The following RBFOX1 variants were observed in gnomAD, a reference collection of about 807,000 sequenced individuals.
The protein encoded by RBFOX1 is RNA binding fox-1 homolog 1, also known as RNA binding protein fox-1 homolog 1.
In RBFOX1, 8 loss-of-function variants were observed where a neutral mutation model predicts 57.7. The observed-to-expected ratio is 0.14, with a 90% CI of 0.08 to 0.25. The LOEUF (loss-of-function observed/expected upper bound fraction) is 0.25. RBFOX1 is among the 10% of genes least tolerant of loss of function. The pLI, the probability that RBFOX1 is intolerant of heterozygous loss-of-function variation, is 1.00. For synonymous variants in RBFOX1, 326 were observed against 222.4 expected, an observed-to-expected ratio of 1.47 and a Z score of -4.15; for missense variants, 611 against 548.5, an observed-to-expected ratio of 1.11 and a Z score of -1.14.
intron 2 of RBFOX1, among the ~76,000 whole-genome samples, chr16:5,478,208 A>G (rs1174790315): frequency 6.6e-6 from 1 of 152,068 alleles, no homozygotes; most frequent in Admixed American, 6.5e-5. Context: ...CTTCTTCCCA[A>G]TTTAGGTTAG....
At chr16:7,325,450 C>T (rs1322055728) in intron 4 of RBFOX1, among the ~76,000 whole-genome samples, 4 of 152,260 alleles carry the variant, frequency 2.6e-5, no homozygotes, top group East Asian at 3.9e-4. Context: ...AAGAAGTTGC[C>T]AGGAGGTGAG....
At chr16:6,759,725 G>C (rs1010161538) in intron 3 of RBFOX1, among the ~76,000 whole-genome samples, 5 of 152,004 alleles carry the variant, frequency 3.3e-5, no homozygotes, top group African/African-American at 1.2e-4. Context: ...CAGTGCATTA[G>C]CTTTCATTGA....
chr16:5,748,322 G>A (rs899509027), intron 3 of RBFOX1, among the ~76,000 whole-genome samples: 6 of 152,192 alleles, frequency 3.9e-5, no homozygotes, highest in Non-Finnish European at 7.3e-5. Context: ...GAATAAGTGT[G>A]ATGTGATGCT....
upstream of RBFOX1, chr16:6,019,002 A>T: frequency 1.3e-6 from 1 of 767,808 alleles, no homozygotes; most frequent in Non-Finnish European, 1.6e-6. This position sits in a 1 kb window ranked among gnomAD's most constrained non-coding sequence, Gnocchi z 4.2. Context: ...GGGAAGGGGG[A>T]GGGGGCGCTC....
At chr16:6,143,083 G>C (rs2096731218) in intron 1 of RBFOX1, among the ~76,000 whole-genome samples, 1 of 152,184 alleles carries the variant, frequency 6.6e-6, no homozygotes, top group Admixed American at 6.5e-5. Context: ...TGGGATAATG[G>C]AGCTGAAGTT....
chr16:6,629,514 T>C (rs567575547), intron 2 of RBFOX1, among the ~76,000 whole-genome samples: 4 of 152,340 alleles, frequency 2.6e-5, no homozygotes, highest in South Asian at 2.1e-4. Flanking sequence ...AAATGGGTTA[T>C]ACTTTCATCT....
chr16:5,622,327 A>G (rs2048223068), intron 3 of RBFOX1, among the ~76,000 whole-genome samples: 1 of 152,188 alleles, frequency 6.6e-6, no homozygotes, highest in Non-Finnish European at 1.5e-5. Context: ...ATTATGCATA[A>G]TTAATTAGTT....
intron 2 of RBFOX1, among the ~76,000 whole-genome samples, chr16:6,443,261 C>G (rs1212064113): frequency 6.6e-6 from 1 of 152,138 alleles, no homozygotes; most frequent in Admixed American, 6.6e-5. Context: ...TCCTCCCTTT[C>G]TTCCTGTAGG....
intron 4 of RBFOX1, among the ~76,000 whole-genome samples, chr16:7,345,673 G>C (rs1427428657): frequency 6.6e-6 from 1 of 152,172 alleles, no homozygotes; most frequent in African/African-American, 2.4e-5. Flanking sequence ...CTTGCTGCCG[G>C]TGATGGAGCC....
intron 4 of RBFOX1, among the ~76,000 whole-genome samples, chr16:7,306,239 C>T (rs2096181904): frequency 6.6e-6 from 1 of 152,066 alleles, no homozygotes; most frequent in Admixed American, 6.5e-5. Context: ...TTGGGCACAA[C>T]TTAGGAGAGA....
At chr16:7,613,178 T>C (rs7202054) in intron 10 of RBFOX1, among the ~76,000 whole-genome samples, 84,305 of 151,956 alleles carry the variant, frequency 0.55, 24,938 homozygotes, top group East Asian at 0.83. Context: ...CCTAGGGATA[T>C]TTATTATTAG....
At position 6,842,769 on chromosome 16, in the gene RBFOX1, G is replaced by T. The variant is rs147251207; in HGVS notation, c.-16+188119G>T. On this transcript the variant is annotated intron_variant, in intron 3 of 15. Transcript: ENST00000550418. The stretch of plus-strand genomic sequence containing the variant: ...GCTGCACCTGTCAACCCGTCATCTA[G>T]GTTTTAAGCCCGGCATGCATTAGGT... 1.1e-3 allele frequency among the ~76,000 whole-genome samples: 173 copies of T among 151,818 alleles called. 2 individuals carry two copies. Among genetic ancestry groups the T allele is most frequent in the Non-Finnish European group, 9.7e-4 (66 of 67,964 alleles).
chr16:6,700,363 A>AC (rs2061645886), intron 3 of RBFOX1, among the ~76,000 whole-genome samples: 1 of 104,376 alleles, frequency 9.6e-6, no homozygotes, highest in Non-Finnish European at 2.5e-5. Flanking sequence ...AAAACAAAAA[A>AC]AAAAAGAATT....
At chr16:6,013,153 G>A (rs180914765) in intron 4 of RBFOX1, among the ~76,000 whole-genome samples, 43 of 152,282 alleles carry the variant, frequency 2.8e-4, no homozygotes, top group African/African-American at 1.0e-3. Context: ...TTATTAAGTA[G>A]TAGATATGGA....
intron 4 of RBFOX1, among the ~76,000 whole-genome samples, chr16:7,165,683 C>T (rs1381151400): frequency 6.6e-6 from 1 of 151,820 alleles, no homozygotes; most frequent in Non-Finnish European, 1.5e-5. Flanking sequence ...CCTGCCTCAG[C>T]CTTCCAAAGT....
intron 4 of RBFOX1, among the ~76,000 whole-genome samples, chr16:7,334,136 C>T (rs144611299): frequency 3.3e-5 from 5 of 152,250 alleles, no homozygotes; most frequent in South Asian, 2.1e-4. Flanking sequence ...CTCTTCTGAA[C>T]TTTGCTGTTA....
chr16:5,351,299 A>G (rs1286294750), intron 1 of RBFOX1, among the ~76,000 whole-genome samples: 1 of 152,240 alleles, frequency 6.6e-6, no homozygotes, highest in Non-Finnish European at 1.5e-5. Context: ...GCTTTGACAT[A>G]CATGATAGAA....
chr16:7,524,984 A>G lies in RBFOX1; in HGVS notation c.270+6595A>G, dbSNP rs528023642. ...AGACATTGGAAAAGGATATAAAATG[A>G]AAACTAACATGTCCTAATACCCACA... On this transcript the variant is annotated intron_variant, in intron 5 of 15. Transcript: ENST00000550418. Among the ~76,000 whole-genome samples the G allele has an allele frequency of 4.6e-5, 7 of 152,344 alleles. No individual in the cohort carries two copies. The South Asian group carries it at 1.5e-3, about 32-fold the overall frequency.
chr16:5,592,270 A>G (rs561071594), intron 2 of RBFOX1, among the ~76,000 whole-genome samples: 1 of 151,892 alleles, frequency 6.6e-6, no homozygotes, highest in East Asian at 1.9e-4. Flanking sequence ...ATTTTCTCAG[A>G]TTGCCCTTTG....
Sources: allele counts gnomAD v4.1 joint callset (sites outside exome capture counted in the v4.1 genomes callset), GRCh38; gene constraint gnomAD v4.1.1; non-coding constraint Gnocchi (gnomAD v3.1); transcripts MANE v1.5; gene names NCBI Gene and HGNC (gene_info 2026-07-23, HGNC 2026-07-21).